The following KLHL5 variants were observed in gnomAD, a reference collection of about 807,000 sequenced individuals.
KLHL5 encodes the protein kelch-like protein 5.
KLHL5 carries 48 observed loss-of-function variants against 77.7 expected under a neutral mutation model. The observed-to-expected ratio is 0.62, with a 90% confidence interval of 0.49 to 0.79. KLHL5 has a LOEUF of 0.79. Among genes scored for constraint, KLHL5 ranks in the 30% least tolerant of loss-of-function variants. KLHL5 has a pLI of 0.00. For synonymous variants in KLHL5, 260 were observed against 297.0 expected (o/e 0.88, Z 1.28); for missense variants, 723 against 859.7 (o/e 0.84, Z 1.99).
chr4:39,093,323 A>C lies in KLHL5; in HGVS notation c.1114-3369A>C, dbSNP rs536782937. On this transcript the variant is annotated intron_variant, in intron 5 of 10. Transcript: ENST00000504108. Reference sequence around the variant, plus strand: ...AAAAGCAAATCTGTAGAGACAGATTAGTGCTTGGGAGAGAAGATGGGAATG... The same window carrying C: ...AAAAGCAAATCTGTAGAGACAGATTCGTGCTTGGGAGAGAAGATGGGAATG... 1.9e-4 allele frequency: 86 copies of C among 447,668 alleles called. No homozygotes were observed. In the East Asian group the frequency reaches 2.0e-3, roughly 11 times the overall value. 27.7% of individuals were successfully genotyped at this position (447,668 alleles called of 1,614,324 possible). A position where few individuals can be genotyped will look rare whatever the true frequency, so the allele number is the denominator to read the frequency against.
In KLHL5 at chr4:39,076,022, A is replaced by C. The variant is rs752771424; in HGVS notation, c.441A>C (p.Ser147=). Residue 147 remains serine (S), a synonymous_variant, in exon 2 of 11, where the codon TCA becomes TCC. Coordinates refer to ENST00000504108, the MANE Select transcript of KLHL5 (RefSeq NM_015990.5). ...GTCATACTATGGAGCCATGTACATC[A>C]GATGAATTTTTCCAAGCCCTTAATC... ...SSCHTMEPCT[S]DEFFQALNHA... The C allele has an allele frequency of 6.8e-6, 11 of 1,612,874 alleles. No individual in the cohort carries two copies. Among genetic ancestry groups the C allele is most frequent in the Non-Finnish European group, 9.3e-6 (11 of 1,179,614 alleles).
At chr4:39,135,875 G>T in the KLHL5 span, among the ~76,000 whole-genome samples, 3,645 of 152,122 alleles carry the variant, frequency 0.024, 138 homozygotes, top group African/African-American at 0.083. Context: ...TTGCACTCCA[G>T]CCTGGGCAAC....
At chr4:39,136,883 C>G in the KLHL5 span, among the ~76,000 whole-genome samples, 8 of 152,190 alleles carry the variant, frequency 5.3e-5, no homozygotes, top group East Asian at 1.4e-3. Context: ...AGGCCATCCA[C>G]GACGGAGAAC....
upstream of KLHL5, among the ~76,000 whole-genome samples, chr4:39,061,533 G>A (rs1286107720): frequency 2.0e-5 from 3 of 152,144 alleles, no homozygotes; most frequent in Non-Finnish European, 4.4e-5. Flanking sequence ...ATGCCTAGTA[G>A]ATTGCATTGT....
Position 39,107,776 on chromosome 4 carries a change from T to A in KLHL5, c.1688+45T>A, listed in dbSNP as rs1326573717. The A allele has an allele frequency of 4.9e-6, 7 of 1,435,090 alleles. 1 individual carries two copies. The South Asian group carries it at 9.3e-5, about 19-fold the overall frequency. 88.9% of individuals were successfully genotyped at this position (1,435,090 alleles called of 1,614,324 possible). A position where few individuals can be genotyped will look rare whatever the true frequency, so the allele number is the denominator to read the frequency against. The stretch of plus-strand genomic sequence containing the variant: ...TCCATTTAAAATGCAATACACCAAA[T>A]TTATTAAGCTATATCATTTCTAATT... On this transcript the variant is annotated intron_variant, in intron 8 of 10. Coordinates refer to ENST00000504108, the MANE Select transcript of KLHL5 (RefSeq NM_015990.5).
At chr4:39,141,373 A>G in the KLHL5 span, among the ~76,000 whole-genome samples, 1 of 136,792 alleles carries the variant, frequency 7.3e-6, no homozygotes, top group Admixed American at 8.4e-5. Flanking sequence ...CAGTGGCGCA[A>G]TCTCGGCTCA....
intron 1 of KLHL5, among the ~76,000 whole-genome samples, chr4:39,056,525 A>C (rs115707812): frequency 0.015 from 2,358 of 152,364 alleles, 60 homozygotes; most frequent in African/African-American, 0.053. Flanking sequence ...ATTTCAAACT[A>C]TAAGTTTTTT....
downstream of KLHL5, chr4:39,126,558 A>G: frequency 5.6e-6 from 2 of 356,966 alleles, no homozygotes; most frequent in East Asian, 7.5e-5. Flanking sequence ...TATTTGGGCT[A>G]ACGAGGTATA....
chr4:39,110,634 A>T (rs1015134553), intron 8 of KLHL5, among the ~76,000 whole-genome samples: 5 of 151,828 alleles, frequency 3.3e-5, no homozygotes, highest in Admixed American at 6.6e-5. Context: ...GGCTAATTTT[A>T]AAAAAAATTT....
chr4:39,093,219 C>A, intron 5 of KLHL5: 1 of 444,440 alleles, frequency 2.3e-6, no homozygotes, highest in Non-Finnish European at 4.5e-6. Context: ...AGGGACAAGT[C>A]TCAAAAGTGT....
intron 1 of KLHL5, among the ~76,000 whole-genome samples, chr4:39,051,979 G>A (rs1716686357): frequency 6.6e-6 from 1 of 152,126 alleles, no homozygotes; most frequent in South Asian, 2.1e-4. Context: ...CAGATGGCCA[G>A]GGAACAGAGC....
rs1255838078 is a variant in KLHL5 at position 39,081,864 on chromosome 4, A to G, written c.704-99A>G. 2.4e-6 allele frequency: 2 copies of G among 828,378 alleles called. No homozygotes were observed. The highest frequency in any genetic ancestry group is 3.3e-5 in the Admixed American group (1 of 30,184). 51.3% of individuals were successfully genotyped at this position (828,378 alleles called of 1,614,324 possible). A position where few individuals can be genotyped will look rare whatever the true frequency, so the allele number is the denominator to read the frequency against. ...ACCATGTAGGTCTGTAATGCATGTAATGAGCTCTTATATGGAACCACTACT... is the reference window on the plus strand; with the variant it reads ...ACCATGTAGGTCTGTAATGCATGTAGTGAGCTCTTATATGGAACCACTACT... On this transcript the variant is annotated intron_variant, in intron 3 of 10. Coordinates refer to ENST00000504108, the MANE Select transcript of KLHL5 (RefSeq NM_015990.5). The surrounding 1 kb of genome is among the most constrained non-coding windows in gnomAD (Gnocchi z 4.3).
chr4:39,120,979 G>A (rs754904376), intron 10 of KLHL5, 31 bp from the exon 11 acceptor site: 4 of 1,566,922 alleles, frequency 2.6e-6, no homozygotes, highest in Non-Finnish European at 3.5e-6. Flanking sequence ...TTAACCTACA[G>A]ATCCAATACA....
intron 10 of KLHL5, among the ~76,000 whole-genome samples, chr4:39,118,659 G>A (rs543395491): frequency 1.3e-5 from 2 of 152,206 alleles, no homozygotes; most frequent in East Asian, 1.9e-4. Flanking sequence ...GGGAGGCTGA[G>A]GCAGGAGAAT....
chr4:39,101,861 T>A (rs796172331), intron 6 of KLHL5, among the ~76,000 whole-genome samples: 4,944 of 121,756 alleles, frequency 0.041, 112 homozygotes, highest in Non-Finnish European at 0.049. Context: ...AAAAAAAAAA[T>A]ATATATATAT....
Position 39,075,970 on chromosome 4 carries a change from C to T in KLHL5, c.389C>T (p.Ser130Phe), listed in dbSNP as rs1404789942. ...NESDSSSCRT[S>F]NSSQTLSSCH... ...GTGTTTTTTTTTCTTTTCAGGACTT[C>T]CAATAGTAGTCAGACATTATCATCC... The change falls in exon 2 of 11, where the codon TCC (serine) becomes TTC (phenylalanine). Residue 130 changes from serine (S) to phenylalanine (F), a missense_variant. Transcript: ENST00000504108. 1 of 1,601,546 alleles carries T rather than the reference C, an allele frequency of 6.2e-7. No homozygotes were observed.
chr4:39,086,654 A>C lies in KLHL5; in HGVS notation c.1040A>C (p.His347Pro). The C allele has an allele frequency of 6.2e-7, 1 of 1,614,016 alleles. No homozygotes were observed. The highest frequency in any genetic ancestry group is 1.3e-5 in the African/African-American group (1 of 75,044). The change falls in exon 5 of 11, where the codon CAT becomes CCT. Residue 347 changes from histidine (H) to proline (P), a missense_variant. His to Pro is a moderately conservative substitution (Grantham distance 77, BLOSUM62 -2). Around this residue, in one of 3 missense-constraint regions of KLHL5, gnomAD observed 288 missense variants for 400.3 expected, o/e 0.72. Transcript: ENST00000504108. ...AATGCACTTCTTACTTGGGTCCGTC[A>C]TGATTTGGAACAGAGACGGAAAGAT... ...ILNALLTWVR[H>P]DLEQRRKDLS...
chr4:39,088,415 T>A (rs773700932), intron 5 of KLHL5, among the ~76,000 whole-genome samples: 25 of 152,176 alleles, frequency 1.6e-4, no homozygotes, highest in Non-Finnish European at 3.2e-4. Context: ...CATAAATTCC[T>A]CTCTTTCTGC....
intron 1 of KLHL5, among the ~76,000 whole-genome samples, chr4:39,050,882 C>T (rs543328246): frequency 6.6e-6 from 1 of 152,238 alleles, no homozygotes; most frequent in Non-Finnish European, 1.5e-5. Flanking sequence ...TATTCCCTCC[C>T]TGAACACTGG....
Sources: gnomAD v4.1 joint callset for allele counts (sites outside exome capture counted in the v4.1 genomes callset) on GRCh38, gnomAD v4.1.1 for gene constraint, gnomAD v4.1.1 regional missense constraint, Gnocchi (gnomAD v3.1) non-coding constraint, MANE v1.5 for transcripts, NCBI Gene and HGNC (gene_info 2026-07-23, HGNC 2026-07-21) for gene names.